RNF166: variants seen among roughly 807,000 people sequenced by gnomAD.
RNF166 encodes ring finger protein 166.
RNF166 carries 19 observed loss-of-function variants against 29.4 expected under a neutral mutation model. That is an observed-to-expected ratio of 0.65 (90% confidence interval 0.45 to 0.95). RNF166 has a LOEUF of 0.95. Among genes scored for constraint, RNF166 ranks in the 40% least tolerant of loss-of-function variants. The pLI is 0.00. For missense variants in RNF166, 347 were observed against 322.1 expected (o/e 1.08, Z -0.59); for synonymous variants, 171 against 134.5 (o/e 1.27, Z -1.88).
chr16:88,696,655 TC>T lies in RNF166; in HGVS notation c.*912del, dbSNP rs1256608736. 1 of 441,778 alleles carries T rather than the reference TC, an allele frequency of 2.3e-6. No individual in the cohort carries two copies. Among genetic ancestry groups the T allele is most frequent in the Non-Finnish European group, 4.5e-6 (1 of 223,352 alleles). The allele number at this position is 441,778 out of a possible 1,614,324, so 27.4% of individuals were successfully genotyped here. On this transcript the variant is annotated 3_prime_UTR_variant, in exon 6 of 6. Transcript: ENST00000312838. ...CTGCCACCACTGGGGTGCCGTCCCCTCCCGCAGCGGGGCACAGTCAGCTTTG... is the reference window on the plus strand; with the variant it reads ...CTGCCACCACTGGGGTGCCGTCCCCTCCGCAGCGGGGCACAGTCAGCTTTG...
chr16:88,703,865 G>C, intron 1 of RNF166: 3 of 985,466 alleles, frequency 3.0e-6, no homozygotes, highest in Non-Finnish European at 3.6e-6. Flanking sequence ...TGCCTGGCTG[G>C]CAGGCCAGCA....
Position 88,699,605 on chromosome 16 carries a change from C to G in RNF166, c.425+15G>C. ...CCGAGGACAGTTCCTCTCCCTTGCC[C>G]GGCAGCGTGCCTACCTGGGGATAGG... is the stretch of plus-strand genomic sequence containing the variant. On this transcript the variant is annotated intron_variant, in intron 3 of 5. Coordinates refer to ENST00000312838, the MANE Select transcript of RNF166 (RefSeq NM_178841.4). The G allele has an allele frequency of 6.3e-7, 1 of 1,597,220 alleles. No individual in the cohort carries two copies. The highest frequency in any genetic ancestry group is 8.6e-7 in the Non-Finnish European group (1 of 1,166,858).
rs1447250089 is a variant in RNF166, at chr16:88,706,248, G to A, written c.78C>T (p.Gly26=). ...TGGGGCAGGTGTACTGCGCCTCCAG[G>A]CCGCTGTCGCCGCCCGCCGGCCCGG... ...PPAGPAGGDS[G]LEAQYTCPIC... The change falls in exon 1 of 6, where the codon GGC becomes GGT. Residue 26 remains glycine, a synonymous_variant. Transcript: ENST00000312838. 1.5e-6 allele frequency: 2 copies of A among 1,305,384 alleles called. No homozygotes were observed. Among genetic ancestry groups the A allele is most frequent in the Non-Finnish European group, 2.0e-6 (2 of 1,024,346 alleles). The allele number at this position is 1,305,384 out of a possible 1,614,324, so 80.9% of individuals were successfully genotyped here.
intron 1 of RNF166, chr16:88,704,332 G>A (rs1910552922): frequency 1.0e-6 from 1 of 985,436 alleles, no homozygotes; most frequent in Non-Finnish European, 1.2e-6. Flanking sequence ...ATCTTTGAAA[G>A]GCAAAGGCTG....
intron 1 of RNF166, 50 bp downstream of exon 1, chr16:88,706,121 C>A (rs1428695102): frequency 2.7e-6 from 3 of 1,100,980 alleles, no homozygotes; most frequent in Non-Finnish European, 3.3e-6. Flanking sequence ...CGACCCCTCC[C>A]GCGGCGGGGC....
rs984449682 is a variant in RNF166 at position 88,706,322 on chromosome 16, C to T, written c.4G>A (p.Ala2Thr). 50 of 1,225,610 alleles carry T rather than the reference C, an allele frequency of 4.1e-5. No homozygotes were observed. The highest frequency in any genetic ancestry group is 4.8e-5 in the Non-Finnish European group (47 of 983,590). 75.9% of individuals were successfully genotyped at this position (1,225,610 alleles called of 1,614,324 possible). ...GAGGCCACCAGGCTGCGGAACATAG[C>T]CATCCCGGGGCCAGGCCCGCGCCGC... M[A>T]MFRSLVASAQ... Residue 2 changes from alanine (A) to threonine (T), a missense_variant, in exon 1 of 6, where the codon GCT (alanine) becomes ACT (threonine). By Grantham distance (58) the Ala-to-Thr change is moderately conservative. Coordinates refer to ENST00000312838, the MANE Select transcript of RNF166 (RefSeq NM_178841.4).
Position 88,699,606 on chromosome 16 carries a change from G to C in RNF166, c.425+14C>G, listed in dbSNP as rs377357054. On this transcript the variant is annotated intron_variant, in intron 3 of 5. Coordinates refer to ENST00000312838, the MANE Select transcript of RNF166 (RefSeq NM_178841.4). Reference sequence around the variant, plus strand: ...CGAGGACAGTTCCTCTCCCTTGCCCGGCAGCGTGCCTACCTGGGGATAGGC... The same window carrying C: ...CGAGGACAGTTCCTCTCCCTTGCCCCGCAGCGTGCCTACCTGGGGATAGGC... 28 of 1,597,972 alleles carry C rather than the reference G, an allele frequency of 1.8e-5. No individual in the cohort carries two copies. The highest frequency in any genetic ancestry group is 2.4e-5 in the Non-Finnish European group (28 of 1,167,300).
At chr16:88,698,181 C>T (rs577190599) in intron 5 of RNF166, 12 of 606,534 alleles carry the variant, frequency 2.0e-5, no homozygotes, top group East Asian at 1.9e-4. Context: ...AAGTCCTTCC[C>T]GCGCTCTCTA....
chr16:88,703,737 C>A (rs1031396440), intron 1 of RNF166: 1 of 985,380 alleles, frequency 1.0e-6, no homozygotes, highest in Admixed American at 6.1e-5. Flanking sequence ...GACAGCCTTA[C>A]AAAGGGAGGG....
chr16:88,703,982 A>G, intron 1 of RNF166: 1 of 985,480 alleles, frequency 1.0e-6, no homozygotes, highest in Non-Finnish European at 1.2e-6. Context: ...TTCTGGTTAC[A>G]GAGGTGGCTC....
intron 5 of RNF166, chr16:88,698,155 T>C (rs1597401207): frequency 1.7e-6 from 1 of 593,730 alleles, no homozygotes; most frequent in African/African-American, 1.9e-5. Flanking sequence ...AGGGCTGGAG[T>C]GTTCGATGTT....
At chr16:88,699,538 C>A in intron 3 of RNF166, 82 bp downstream of exon 3, 2 of 1,120,024 alleles carry the variant, frequency 1.8e-6, no homozygotes, top group Admixed American at 2.2e-5. Flanking sequence ...CCCAGCCTCT[C>A]TGGGATGGGG....
chr16:88,697,684 AG>A (rs1381331111), intron 5 of RNF166, 51 bp from the exon 6 acceptor site: 1 of 1,367,852 alleles, frequency 7.3e-7, no homozygotes, highest in Admixed American at 2.0e-5. Context: ...CAGGAAGGAG[AG>A]GTCCCCTCTG....
In RNF166 at chr16:88,696,860, C is replaced by T. The variant is rs892921858; in HGVS notation, c.*708G>A. The T allele has an allele frequency of 2.3e-5, 7 of 302,792 alleles. No homozygotes were observed. Among genetic ancestry groups the T allele is most frequent in the Non-Finnish European group, 4.4e-5 (7 of 157,654 alleles). 18.8% of individuals were successfully genotyped at this position (302,792 alleles called of 1,614,324 possible). ...CACACAGTGGGTGGCCAGGGCAGACCCCACAGCAGACCCCATGGCTCGCCT... is the reference window on the plus strand; with the variant it reads ...CACACAGTGGGTGGCCAGGGCAGACTCCACAGCAGACCCCATGGCTCGCCT... On this transcript the variant is annotated 3_prime_UTR_variant, in exon 6 of 6. Transcript: ENST00000312838.
intron 2 of RNF166, among the ~76,000 whole-genome samples, 162 bp downstream of exon 2, chr16:88,701,100 G>T (rs1910171828): frequency 6.6e-6 from 1 of 152,174 alleles, no homozygotes; most frequent in African/African-American, 2.4e-5. Flanking sequence ...GAAGACGGGA[G>T]GGGAGGGAGG....
chr16:88,705,910 C>A (rs2142688999), intron 1 of RNF166, among the ~76,000 whole-genome samples: 1 of 152,240 alleles, frequency 6.6e-6, no homozygotes, highest in South Asian at 2.1e-4. Flanking sequence ...GGCAGGGCCG[C>A]AGGTCGCCCG....
chr16:88,697,618 C>T lies in RNF166; in HGVS notation c.664G>A (p.Glu222Lys), dbSNP rs1221237381. Residue 222 changes from glutamate (E) to lysine (K), a missense_variant, in exon 6 of 6, where the codon GAG (glutamate) becomes AAG (lysine). Coordinates refer to ENST00000312838, the MANE Select transcript of RNF166 (RefSeq NM_178841.4). ...AGAGCAGCCTGGAAGGCGGCCTCCT[C>T]GTCAATACTGTAGTCCTGGAGACAG... ...YDTFVDYSID[E>K]EAAFQAALAL... is the part of the protein sequence containing the mutation. The T allele has an allele frequency of 6.4e-7, 1 of 1,552,174 alleles. No homozygotes were observed. Among genetic ancestry groups the T allele is most frequent in the Non-Finnish European group, 8.7e-7 (1 of 1,147,702 alleles).
intron 1 of RNF166, chr16:88,704,414 G>T: frequency 1.0e-6 from 1 of 985,428 alleles, no homozygotes; most frequent in African/African-American, 1.7e-5. Flanking sequence ...GCATGGCAGA[G>T]GGGAGTTTTA....
At chr16:88,701,452 C>T (rs767572403) in intron 1 of RNF166, 34 bp from the exon 2 acceptor site, 14 of 1,524,724 alleles carry the variant, frequency 9.2e-6, no homozygotes, top group South Asian at 1.2e-5. Context: ...GCCAGCCCGC[C>T]CCTCGGGTCT....
Sources: allele counts gnomAD v4.1 joint callset (sites outside exome capture counted in the v4.1 genomes callset), GRCh38; gene constraint gnomAD v4.1.1; transcripts MANE v1.5; gene names NCBI Gene and HGNC (gene_info 2026-07-23, HGNC 2026-07-21).